The following STK32A variants were observed in gnomAD, a reference collection of about 807,000 sequenced individuals.
STK32A encodes the protein serine/threonine kinase 32A, also known as serine/threonine-protein kinase 32A.
In STK32A, 41 loss-of-function variants were observed where a neutral mutation model predicts 53.2. The ratio of observed to expected loss-of-function variants is 0.77; its 90% confidence interval spans 0.60 to 1.00. STK32A has a LOEUF of 1.00. STK32A is among the 50% of genes least tolerant of loss of function. STK32A has a pLI of 0.00. For synonymous variants in STK32A, 166 were observed against 162.8 expected, an observed-to-expected ratio of 1.02 and a Z score of -0.15; for missense variants, 458 against 485.8, an observed-to-expected ratio of 0.94 and a Z score of 0.54.
intron 6 of STK32A, among the ~76,000 whole-genome samples, chr5:147,343,780 T>C (rs907837875): frequency 2.0e-5 from 3 of 152,314 alleles, no homozygotes; most frequent in South Asian, 2.1e-4. Flanking sequence ...AGAAAAGATA[T>C]CAAGTTTTCT....
the STK32A span, among the ~76,000 whole-genome samples, chr5:147,398,754 C>T: frequency 1.3e-5 from 2 of 152,156 alleles, no homozygotes; most frequent in South Asian, 4.1e-4. Context: ...GAGGCAGTGA[C>T]GTACACCACA....
At chr5:147,346,322 T>C (rs891528883) in intron 6 of STK32A, among the ~76,000 whole-genome samples, 2 of 152,218 alleles carry the variant, frequency 1.3e-5, no homozygotes, top group Admixed American at 1.3e-4. Flanking sequence ...GTGGAAATTG[T>C]AGCCACTGTG....
intron 4 of STK32A, among the ~76,000 whole-genome samples, chr5:147,290,737 C>G (rs1159013410): frequency 6.6e-6 from 1 of 152,134 alleles, no homozygotes; most frequent in Admixed American, 6.5e-5. Flanking sequence ...AGACTCTGAA[C>G]ATAGCCCAAT....
At chr5:147,315,042 G>A (rs1753924102) in intron 4 of STK32A, among the ~76,000 whole-genome samples, 1 of 152,108 alleles carries the variant, frequency 6.6e-6, no homozygotes, top group African/African-American at 2.4e-5. Flanking sequence ...ACCACACTGG[G>A]CCAGTACTAT....
intron 2 of STK32A, among the ~76,000 whole-genome samples, chr5:147,265,390 C>T (rs1018679362): frequency 6.6e-6 from 1 of 152,032 alleles, no homozygotes; most frequent in Non-Finnish European, 1.5e-5. Flanking sequence ...TTTTGTACAC[C>T]ATACAAAATA....
At chr5:147,395,983 G>C in the STK32A span, among the ~76,000 whole-genome samples, 1 of 152,152 alleles carries the variant, frequency 6.6e-6, no homozygotes, top group Non-Finnish European at 1.5e-5. Flanking sequence ...CTATGGGGTT[G>C]GGGTTGCCAG....
chr5:147,347,077 G>T (rs1043234172), intron 6 of STK32A, among the ~76,000 whole-genome samples: 11 of 152,136 alleles, frequency 7.2e-5, no homozygotes, highest in African/African-American at 2.4e-4. Context: ...TTTCAGCAAG[G>T]ATCTCAGAAA....
At chr5:147,358,505 A>G (rs1416801619) in intron 7 of STK32A, among the ~76,000 whole-genome samples, 1 of 152,196 alleles carries the variant, frequency 6.6e-6, no homozygotes, top group African/African-American at 2.4e-5. Context: ...ATTGTTCACA[A>G]TAGTCCCAAA....
intron 4 of STK32A, among the ~76,000 whole-genome samples, chr5:147,310,705 A>G (rs1753651093): frequency 1.3e-5 from 2 of 152,194 alleles, no homozygotes; most frequent in Admixed American, 1.3e-4. Context: ...GAACTTTATA[A>G]GCAAGAGACT....
chr5:147,272,063 C>G (rs1254412489), intron 2 of STK32A, among the ~76,000 whole-genome samples: 3 of 152,132 alleles, frequency 2.0e-5, no homozygotes, highest in Admixed American at 6.6e-5. Context: ...CCCGGATGTC[C>G]AGCCTTAAAA....
chr5:147,370,832 GT>G, intron 9 of STK32A, 62 bp downstream of exon 9: 1 of 1,087,118 alleles, frequency 9.2e-7, no homozygotes, highest in Non-Finnish European at 1.4e-6. Context: ...TCTGGCTTAA[GT>G]TTAGAAGTTA....
At chr5:147,321,389 C>A (rs1399727922) in intron 4 of STK32A, among the ~76,000 whole-genome samples, 1 of 152,194 alleles carries the variant, frequency 6.6e-6, no homozygotes, top group Non-Finnish European at 1.5e-5. Context: ...TCTTCTCTCC[C>A]TCTGAGAATT....
chr5:147,345,507 T>C (rs1200786284), intron 6 of STK32A, among the ~76,000 whole-genome samples: 2 of 152,364 alleles, frequency 1.3e-5, no homozygotes, highest in East Asian at 1.9e-4. Context: ...AGATAGAATC[T>C]GTAAAAGTTG....
chr5:147,388,364 C>A (rs747734042), downstream of STK32A, among the ~76,000 whole-genome samples: 6 of 152,194 alleles, frequency 3.9e-5, no homozygotes, highest in Non-Finnish European at 8.8e-5. Flanking sequence ...CTCTCAGACC[C>A]ACAGTGGGTG....
At chr5:147,271,291 T>A (rs1755019924) in intron 2 of STK32A, among the ~76,000 whole-genome samples, 1 of 152,200 alleles carries the variant, frequency 6.6e-6, no homozygotes, top group Non-Finnish European at 1.5e-5. Flanking sequence ...ACTTCCCCAG[T>A]CAATACCCTT....
chr5:147,290,371 A>C (rs576914703), intron 4 of STK32A, among the ~76,000 whole-genome samples: 1 of 152,102 alleles, frequency 6.6e-6, no homozygotes, highest in Non-Finnish European at 1.5e-5. Flanking sequence ...ACAGTCTTCA[A>C]ATGTAGGCCA....
At chr5:147,351,796 G>A (rs1164148891) in intron 7 of STK32A, among the ~76,000 whole-genome samples, 1 of 152,106 alleles carries the variant, frequency 6.6e-6, no homozygotes, top group Non-Finnish European at 1.5e-5. Context: ...GCAGTGAGTC[G>A]AGATCGCGCC....
Position 147,386,592 on chromosome 5 carries a change from C to T in STK32A, c.*2609C>T, listed in dbSNP as rs1257394468. ...ATGGGATGGGAACCCGATACAATCTCTGTAGGCTGAATCCCTAGTTTTATT... is the reference window on the plus strand; with the variant it reads ...ATGGGATGGGAACCCGATACAATCTTTGTAGGCTGAATCCCTAGTTTTATT... On this transcript the variant is annotated 3_prime_UTR_variant, in exon 13 of 13. Transcript: ENST00000397936. 6.6e-6 allele frequency: 1 copy of T among 152,188 alleles called. No individual in the cohort carries two copies. Among genetic ancestry groups the T allele is most frequent in the Non-Finnish European group, 1.5e-5 (1 of 68,042 alleles). The allele number at this position is 152,188 out of a possible 1,614,324, so 9.4% of individuals were successfully genotyped here.
At chr5:147,325,641 C>T (rs1244911246) in intron 5 of STK32A, among the ~76,000 whole-genome samples, 1 of 152,080 alleles carries the variant, frequency 6.6e-6, no homozygotes, top group Non-Finnish European at 1.5e-5. Flanking sequence ...GAAGTGTGCT[C>T]TTCAGGCACC....
Sources: gnomAD v4.1 joint callset for allele counts (sites outside exome capture counted in the v4.1 genomes callset) on GRCh38, gnomAD v4.1.1 for gene constraint, MANE v1.5 for transcripts, NCBI Gene and HGNC (gene_info 2026-07-23, HGNC 2026-07-21) for gene names.